Variants in FGF2 observed in about 807,000 individuals in gnomAD.
The protein encoded by FGF2 is basic fibroblast growth factor bFGF.
Under a neutral mutation model 15.9 loss-of-function variants are expected in FGF2, and 13 were observed. That is an observed-to-expected ratio of 0.82 (90% confidence interval 0.53 to 1.30). The LOEUF (loss-of-function observed/expected upper bound fraction) is 1.30. Among genes scored for constraint, FGF2 ranks in the 50% most tolerant of loss-of-function variants. The probability of loss-of-function intolerance (pLI) is 0.00; values close to 1 mark genes in which losing one functional copy is unlikely to be tolerated. For missense variants in FGF2, 163 were observed against 196.9 expected, an observed-to-expected ratio of 0.83 and a Z score of 1.03; for synonymous variants, 90 against 78.4, an observed-to-expected ratio of 1.15 and a Z score of -0.78.
chr4:122,849,649 A>G (rs1357745760), intron 1 of FGF2, among the ~76,000 whole-genome samples: 11 of 152,202 alleles, frequency 7.2e-5, no homozygotes, highest in Admixed American at 5.9e-4. Context: ...TAGCTTGGCT[A>G]GCACAGTGTG....
chr4:122,859,015 A>T (rs1726400179), intron 1 of FGF2, among the ~76,000 whole-genome samples: 1 of 152,256 alleles, frequency 6.6e-6, no homozygotes, highest in African/African-American at 2.4e-5. Flanking sequence ...TGAGCTGAAG[A>T]TGTCAGGTTA....
Position 122,881,358 on chromosome 4 carries a change from C to T in FGF2, c.282+4934C>T, listed in dbSNP as rs138486843. Among the ~76,000 whole-genome samples, 132 of 152,310 alleles carry T rather than the reference C, an allele frequency of 8.7e-4. 1 individual carries two copies. The highest frequency in any genetic ancestry group is 2.7e-3 in the African/African-American group (111 of 41,554). ...TTTTCTTTTCTATTCCATGGTCAGG[C>T]TGCAAATTTTCCAAACTTTTATGCT... On this transcript the variant is annotated intron_variant, in intron 2 of 2. Transcript: ENST00000644866.
chr4:122,892,459 A>G lies in FGF2; in HGVS notation c.*63A>G. ...AAGAAGTATATTTTAGAAATTTGTTAATGAGAGTAAAAGAAAATAAATGTG... is the reference window on the plus strand; with the variant it reads ...AAGAAGTATATTTTAGAAATTTGTTGATGAGAGTAAAAGAAAATAAATGTG... On this transcript the variant is annotated 3_prime_UTR_variant, in exon 3 of 3. Coordinates refer to ENST00000644866, the MANE Select transcript of FGF2 (RefSeq NM_001361665.2). 1 of 1,608,568 alleles carries G rather than the reference A, an allele frequency of 6.2e-7. No individual in the cohort carries two copies. The highest frequency in any genetic ancestry group is 8.5e-7 in the Non-Finnish European group (1 of 1,176,102).
At chr4:122,851,013 G>C (rs1299097602) in intron 1 of FGF2, among the ~76,000 whole-genome samples, 1 of 152,120 alleles carries the variant, frequency 6.6e-6, no homozygotes, top group Non-Finnish European at 1.5e-5. Flanking sequence ...GGGGAGAGAA[G>C]ACTTCTTGGT....
In FGF2 at chr4:122,876,302, A is replaced by AT. The variant is rs774721680; in HGVS notation, c.179-11dup. The AT allele has an allele frequency of 8.7e-5, 129 of 1,478,810 alleles. No individual in the cohort carries two copies. Among genetic ancestry groups the AT allele is most frequent in the Non-Finnish European group, 1.1e-4 (120 of 1,057,166 alleles). 91.6% of individuals were successfully genotyped at this position (1,478,810 alleles called of 1,614,324 possible). ...TTTCCTCTGTGGTGCTACAAAGATA[A>AT]TTTTTTTTCCCGTTACAGTCAAGCT... On this transcript the variant is annotated intron_variant, in intron 1 of 2. Transcript: ENST00000644866.
intron 1 of FGF2, among the ~76,000 whole-genome samples, chr4:122,845,903 G>A (rs1428964446): frequency 6.6e-6 from 1 of 152,192 alleles, no homozygotes; most frequent in Non-Finnish European, 1.5e-5. Flanking sequence ...CAGTCACAAC[G>A]TGGCTGTTTG....
intron 1 of FGF2, among the ~76,000 whole-genome samples, chr4:122,868,591 G>A (rs1726657124): frequency 6.6e-6 from 1 of 152,134 alleles, no homozygotes; most frequent in Non-Finnish European, 1.5e-5. Context: ...ACATGTGCAT[G>A]TGTCTTTATA....
chr4:122,888,125 C>T (rs550236683), intron 2 of FGF2, among the ~76,000 whole-genome samples: 15 of 152,272 alleles, frequency 9.9e-5, no homozygotes, highest in African/African-American at 3.1e-4. Context: ...TCATAGCCCT[C>T]CCCACCGCAT....
At chr4:122,884,933 T>C (rs1308730943) in intron 2 of FGF2, among the ~76,000 whole-genome samples, 4 of 152,170 alleles carry the variant, frequency 2.6e-5, no homozygotes, top group Non-Finnish European at 5.9e-5. Flanking sequence ...AATCTTCTTA[T>C]TTTACAGAGG....
At chr4:122,876,478 T>A in intron 2 of FGF2, 54 bp downstream of exon 2, 8 of 1,022,624 alleles carry the variant, frequency 7.8e-6, no homozygotes, top group Non-Finnish European at 1.2e-5. Flanking sequence ...TTGCTGTTAA[T>A]TTACCAGCAT....
intron 2 of FGF2, among the ~76,000 whole-genome samples, chr4:122,891,414 G>C (rs1727184770): frequency 1.4e-5 from 2 of 146,740 alleles, no homozygotes; most frequent in Non-Finnish European, 3.0e-5. Context: ...CTTTTTGAAA[G>C]CCAGCTATCC....
chr4:122,827,683 C>A lies in FGF2; in HGVS notation c.178+331C>A, dbSNP rs1163478258. Among the ~76,000 whole-genome samples, 1 of 152,184 alleles carries A rather than the reference C, an allele frequency of 6.6e-6. No individual in the cohort carries two copies. The highest frequency in any genetic ancestry group is 2.4e-5 in the African/African-American group (1 of 41,452). On this transcript the variant is annotated intron_variant, in intron 1 of 2. Transcript: ENST00000644866. The surrounding 1 kb of genome is among the most constrained non-coding windows in gnomAD (Gnocchi z 4.2). ...GTCGCGTCGGGGATGCCCGCGGCCCCGCCATGCAGCTCTGGCCGCTTCTAT... is the reference window on the plus strand; with the variant it reads ...GTCGCGTCGGGGATGCCCGCGGCCCAGCCATGCAGCTCTGGCCGCTTCTAT...
intron 1 of FGF2, among the ~76,000 whole-genome samples, chr4:122,853,992 A>G (rs1268377915): frequency 6.6e-6 from 1 of 152,170 alleles, no homozygotes; most frequent in East Asian, 1.9e-4. Flanking sequence ...GCGTCTAGAG[A>G]GGAGCTGGGA....
chr4:122,859,353 A>G (rs1210156245), intron 1 of FGF2, among the ~76,000 whole-genome samples: 3 of 152,212 alleles, frequency 2.0e-5, no homozygotes, highest in Admixed American at 1.3e-4. Context: ...ATAAGGTCTT[A>G]GTCTTTTTTG....
In FGF2 at chr4:122,827,085, CG is replaced by C. The variant is rs1217299340; in HGVS notation, c.-87del. On this transcript the variant is annotated 5_prime_UTR_variant, in exon 1 of 3. Coordinates refer to ENST00000644866, the MANE Select transcript of FGF2 (RefSeq NM_001361665.2). This position sits in a 1 kb window ranked among gnomAD's most constrained non-coding sequence, Gnocchi z 4.2. Reference sequence around the variant, plus strand: ...CCGGGGCCGGGGCCGTGCCCCGGAGCGGGTCGGAGGCCGGGGCCGGGGCCGG... The same window carrying C: ...CCGGGGCCGGGGCCGTGCCCCGGAGCGGTCGGAGGCCGGGGCCGGGGCCGG... 2.6e-5 allele frequency: 30 copies of C among 1,158,692 alleles called. No homozygotes were observed. The highest frequency in any genetic ancestry group is 4.8e-5 in the Admixed American group (1 of 20,886). The allele number at this position is 1,158,692 out of a possible 1,614,324, so 71.8% of individuals were successfully genotyped here.
chr4:122,841,259 A>G (rs1725978258), intron 1 of FGF2, among the ~76,000 whole-genome samples: 1 of 152,202 alleles, frequency 6.6e-6, no homozygotes, highest in Admixed American at 6.5e-5. Flanking sequence ...CCACTTTCAC[A>G]CTACAATGGC....
intron 1 of FGF2, among the ~76,000 whole-genome samples, chr4:122,849,823 A>C (rs1726192093): frequency 6.6e-6 from 1 of 152,184 alleles, no homozygotes. Context: ...TTAACCAGGG[A>C]TATGCCCAAG....
chr4:122,870,216 G>T (rs974262686), intron 1 of FGF2, among the ~76,000 whole-genome samples: 1 of 152,156 alleles, frequency 6.6e-6, no homozygotes, highest in Non-Finnish European at 1.5e-5. Flanking sequence ...TTTTTCATGT[G>T]TTGCTGAATT....
chr4:122,877,437 C>T (rs749636056), intron 2 of FGF2, among the ~76,000 whole-genome samples: 2 of 152,132 alleles, frequency 1.3e-5, no homozygotes, highest in Non-Finnish European at 2.9e-5. Flanking sequence ...TTCTTTTTTA[C>T]ATGTTATCAC....
Sources: gnomAD v4.1 joint callset for allele counts (sites outside exome capture counted in the v4.1 genomes callset) on GRCh38, gnomAD v4.1.1 for gene constraint, Gnocchi (gnomAD v3.1) non-coding constraint, MANE v1.5 for transcripts, NCBI Gene and HGNC (gene_info 2026-07-23, HGNC 2026-07-21) for gene names.